EWSR1: variants seen among roughly 807,000 people sequenced by gnomAD.
EWSR1 encodes RNA-binding protein EWS.
EWSR1 carries 14 observed loss-of-function variants against 92.1 expected under a neutral mutation model. That is an observed-to-expected ratio of 0.15 (90% CI 0.10 to 0.24). The LOEUF (loss-of-function observed/expected upper bound fraction) is 0.24, where lower values mean the gene tolerates loss of function less well. Among genes scored for constraint, EWSR1 ranks in the 10% least tolerant of loss-of-function variants. EWSR1 has a pLI of 1.00. For missense variants in EWSR1, 637 were observed against 870.9 expected, an observed-to-expected ratio of 0.73 and a Z score of 3.38; for synonymous variants, 303 against 292.9, an observed-to-expected ratio of 1.03 and a Z score of -0.35.
At chr22:29,284,584 A>G (rs1213264312) in intron 6 of EWSR1, among the ~76,000 whole-genome samples, 2 of 151,118 alleles carry the variant, frequency 1.3e-5, no homozygotes, top group Non-Finnish European at 2.9e-5. Context: ...AGATTATTGA[A>G]TTCATACAGC....
Position 29,300,213 on chromosome 22 carries a change from A to G in EWSR1, c.*52A>G. 4 of 1,537,226 alleles carry G rather than the reference A, an allele frequency of 2.6e-6. No homozygotes were observed. The highest frequency in any genetic ancestry group is 3.6e-6 in the Non-Finnish European group (4 of 1,116,346). ...GACTACCAGATTTATTTTTTAAACCAGAAAATGTTTTAAATTTATAATTCC... is the reference window on the plus strand; with the variant it reads ...GACTACCAGATTTATTTTTTAAACCGGAAAATGTTTTAAATTTATAATTCC... On this transcript the variant is annotated 3_prime_UTR_variant, in exon 17 of 17. Transcript: ENST00000397938.
chr22:29,292,762 C>CTTT (rs34395867), intron 11 of EWSR1, among the ~76,000 whole-genome samples, 156 bp downstream of exon 11: 1 of 100,840 alleles, frequency 9.9e-6, no homozygotes, highest in Non-Finnish European at 1.9e-5. Context: ...AAAGATTAGC[C>CTTT]TTTTTTTTTT....
At chr22:29,292,729 C>A in intron 11 of EWSR1, 123 bp downstream of exon 11, 2 of 510,960 alleles carry the variant, frequency 3.9e-6, no homozygotes, top group Non-Finnish European at 7.1e-6. Flanking sequence ...TTCTAGGTAT[C>A]TTATGGTTTG....
In EWSR1 at chr22:29,283,911, C is replaced by T. The variant is rs1320252706; in HGVS notation, c.581+1354C>T. Among the ~76,000 whole-genome samples, 49 of 150,100 alleles carry T rather than the reference C, an allele frequency of 3.3e-4. 1 individual carries two copies. The highest frequency in any genetic ancestry group is 2.2e-3 in the Admixed American group (34 of 15,170). ...GTGCAATGGCGTGATCTTGGCTCACCGCAACCTCTGCCTCCTGGGTTCAAG... is the reference window on the plus strand; with the variant it reads ...GTGCAATGGCGTGATCTTGGCTCACTGCAACCTCTGCCTCCTGGGTTCAAG... On this transcript the variant is annotated intron_variant, in intron 6 of 16. Transcript: ENST00000397938.
chr22:29,300,478 GTTTTT>G lies in EWSR1; in HGVS notation c.*329_*333del, dbSNP rs76631619. ...CTGTAACAATGTTCATGGTTGTGAT[GTTTTT>G]TTTTTTTTTTTAAATAAAATTCCAA... On this transcript the variant is annotated 3_prime_UTR_variant, in exon 17 of 17. Transcript: ENST00000397938. The G allele has an allele frequency of 5.4e-6, 1 of 185,960 alleles. No individual in the cohort carries two copies. The highest frequency in any genetic ancestry group is 2.6e-5 in the African/African-American group (1 of 38,164). The allele number at this position is 185,960 out of a possible 1,614,324, so 11.5% of individuals were successfully genotyped here.
intron 8 of EWSR1, chr22:29,291,180 T>A (rs957678409): frequency 3.9e-6 from 1 of 258,798 alleles, no homozygotes; most frequent in Admixed American, 5.4e-5. Flanking sequence ...TGCACCTTTA[T>A]GAACATGGAA....
intron 1 of EWSR1, among the ~76,000 whole-genome samples, chr22:29,270,275 G>GAAT (rs2058567671): frequency 6.6e-6 from 1 of 152,170 alleles, no homozygotes; most frequent in African/African-American, 2.4e-5. Flanking sequence ...TATATATCCA[G>GAAT]TGCAACAAAG....
intron 4 of EWSR1, chr22:29,277,324 T>C (rs971486439): frequency 4.4e-6 from 1 of 226,598 alleles, no homozygotes; most frequent in Non-Finnish European, 8.8e-6. Flanking sequence ...ATCTGCTTTA[T>C]GATGTGAAAA....
chr22:29,299,378 C>G (rs1208954017), intron 15 of EWSR1, 47 bp downstream of exon 15: 2 of 1,578,544 alleles, frequency 1.3e-6, no homozygotes, highest in Non-Finnish European at 1.7e-6. Flanking sequence ...TGGTGCTAAA[C>G]CTCTTTTCTT....
chr22:29,298,350 A>G (rs1189177312), intron 13 of EWSR1, among the ~76,000 whole-genome samples: 1 of 152,094 alleles, frequency 6.6e-6, no homozygotes, highest in Non-Finnish European at 1.5e-5. Flanking sequence ...TACTAAAAAT[A>G]CAAAAATTAG....
chr22:29,282,667 C>T, intron 6 of EWSR1, 110 bp downstream of exon 6: 1 of 873,548 alleles, frequency 1.1e-6, no homozygotes, highest in South Asian at 2.5e-5. Context: ...CTGACTGTCG[C>T]AGTGATAAGT....
chr22:29,274,750 C>T (rs2058968655), intron 4 of EWSR1, among the ~76,000 whole-genome samples: 1 of 151,972 alleles, frequency 6.6e-6, no homozygotes, highest in South Asian at 2.1e-4. Context: ...TAACATTATT[C>T]CAAGATACTA....
chr22:29,299,007 G>C, intron 14 of EWSR1, 112 bp downstream of exon 14: 1 of 1,352,432 alleles, frequency 7.4e-7, no homozygotes, highest in Non-Finnish European at 1.0e-6. Flanking sequence ...TGATGACCCT[G>C]ATGGCTGGTT....
At chr22:29,274,411 T>C in intron 4 of EWSR1, 1 of 1,038,040 alleles carries the variant, frequency 9.6e-7, no homozygotes. Context: ...AGCAAGGTGC[T>C]AATGAAAAAC....
At chr22:29,281,352 G>C (rs1464405168) in intron 5 of EWSR1, among the ~76,000 whole-genome samples, 1 of 19,810 alleles carries the variant, frequency 5.0e-5, no homozygotes, top group African/African-American at 2.3e-4. Context: ...CTGTTGCCCA[G>C]GATGGAGTAC....
chr22:29,286,680 C>CT (rs1408088101), intron 6 of EWSR1, among the ~76,000 whole-genome samples: 1 of 86,054 alleles, frequency 1.2e-5, no homozygotes, highest in Non-Finnish European at 2.2e-5. Context: ...GAGCAACACT[C>CT]TGTCTCAAAA....
At position 29,280,867 on chromosome 22, in the gene EWSR1, T is replaced by G. The variant is rs1181443885; in HGVS notation, c.414-1523T>G. 7.7e-4 allele frequency among the ~76,000 whole-genome samples: 17 copies of G among 22,014 alleles called. No individual in the cohort carries two copies. In the East Asian group the frequency reaches 9.2e-3, roughly 12 times the overall value. 14.4% of individuals were successfully genotyped at this position (22,014 alleles called of 152,430 possible). A position where few individuals can be genotyped will look rare whatever the true frequency, so the allele number is the denominator to read the frequency against. The stretch of plus-strand genomic sequence containing the variant: ...TTTGTGTGTGTGTGTGTGTTGTTTT[T>G]TTTTTTTTTTTTTTTTTTTTTTTTT... On this transcript the variant is annotated intron_variant, in intron 5 of 16. Transcript: ENST00000397938.
At chr22:29,295,581 G>A (rs2060794056) in intron 11 of EWSR1, 1 of 224,016 alleles carries the variant, frequency 4.5e-6, no homozygotes, top group East Asian at 6.6e-5. Context: ...TATATATCCT[G>A]TTGTAATCTT....
At chr22:29,290,181 G>A in intron 8 of EWSR1, 1 of 413,676 alleles carries the variant, frequency 2.4e-6, no homozygotes, top group Non-Finnish European at 4.4e-6. Context: ...TTTCCCCATA[G>A]GTTTTTCAAC....
Sources: allele counts gnomAD v4.1 joint callset (sites outside exome capture counted in the v4.1 genomes callset), GRCh38; gene constraint gnomAD v4.1.1; transcripts MANE v1.5; gene names NCBI Gene and HGNC (gene_info 2026-07-23, HGNC 2026-07-21).